The following TSPAN9 variants were observed in gnomAD, a reference collection of about 807,000 sequenced individuals.
TSPAN9 encodes the protein tetraspanin 9.
In TSPAN9, 16 loss-of-function variants were observed where a neutral mutation model predicts 31.0. The observed-to-expected ratio is 0.52, with a 90% CI of 0.35 to 0.78. The LOEUF is 0.78. TSPAN9 is among the 30% of genes least tolerant of loss of function. The pLI is 0.01. For missense variants in TSPAN9, 272 were observed against 312.5 expected (o/e 0.87, Z 0.98); for synonymous variants, 145 against 121.6 (o/e 1.19, Z -1.27).
chr12:3,138,352 C>T (rs902365014), intron 2 of TSPAN9, among the ~76,000 whole-genome samples: 4 of 152,236 alleles, frequency 2.6e-5, no homozygotes, highest in Admixed American at 6.5e-5. Context: ...CACCACCTCC[C>T]GGAGTCGGTT....
chr12:3,258,834 A>G (rs1862398551), intron 3 of TSPAN9, among the ~76,000 whole-genome samples: 1 of 152,162 alleles, frequency 6.6e-6, no homozygotes, highest in Admixed American at 6.5e-5. Context: ...GAATGTATTC[A>G]TGGTCTCAGT....
chr12:3,154,704 G>T (rs2098341391), intron 2 of TSPAN9, among the ~76,000 whole-genome samples: 1 of 152,218 alleles, frequency 6.6e-6, no homozygotes, highest in African/African-American at 2.4e-5. Context: ...TAGTGCTTAA[G>T]TACAAATGGG....
intron 2 of TSPAN9, among the ~76,000 whole-genome samples, chr12:3,175,602 C>T (rs2098355108): frequency 8.3e-6 from 1 of 120,588 alleles, no homozygotes; most frequent in Non-Finnish European, 1.8e-5. Flanking sequence ...CTGCACTTCC[C>T]AGCTTGTCTG....
At chr12:3,089,740 G>A (rs545140141) in intron 2 of TSPAN9, among the ~76,000 whole-genome samples, 1 of 151,772 alleles carries the variant, frequency 6.6e-6, no homozygotes, top group Non-Finnish European at 1.5e-5. Context: ...GCAAGATCCT[G>A]ACTCTACAAA....
At chr12:3,118,699 C>G (rs2098323746) in intron 2 of TSPAN9, among the ~76,000 whole-genome samples, 1 of 152,188 alleles carries the variant, frequency 6.6e-6, no homozygotes, top group African/African-American at 2.4e-5. Context: ...CTCCCTGCAG[C>G]TGTGCCCAGT....
At chr12:3,217,536 G>C (rs949588527) in intron 3 of TSPAN9, among the ~76,000 whole-genome samples, 10 of 152,204 alleles carry the variant, frequency 6.6e-5, no homozygotes, top group Admixed American at 6.5e-4. Flanking sequence ...TGAGGGCCCT[G>C]TTTGGGCTTG....
intron 3 of TSPAN9, among the ~76,000 whole-genome samples, chr12:3,227,274 G>A (rs553696196): frequency 3.3e-5 from 5 of 152,310 alleles, no homozygotes; most frequent in African/African-American, 7.2e-5. Context: ...AGAAGTCATC[G>A]GCTGTACATG....
At chr12:3,282,180 C>T (rs923052478) in intron 8 of TSPAN9, 2 of 602,130 alleles carry the variant, frequency 3.3e-6, no homozygotes, top group Non-Finnish European at 6.0e-6. Context: ...GCACATGGCA[C>T]ACTCTCTGTG....
intron 2 of TSPAN9, among the ~76,000 whole-genome samples, chr12:3,115,124 T>C (rs2098321560): frequency 6.6e-6 from 1 of 151,234 alleles, no homozygotes; most frequent in South Asian, 2.1e-4. Flanking sequence ...AATGTATCTT[T>C]TGTCTCCATG....
intron 2 of TSPAN9, among the ~76,000 whole-genome samples, chr12:3,112,177 C>CTTTTTTTTTTTTTTTTTTTTTTTTTTT (rs138645701): frequency 8.6e-6 from 1 of 115,642 alleles, no homozygotes. Flanking sequence ...TGTAATGTTC[C>CTTTTTTTTTTTTTTTTTTTTTTTTTTT]TTTTTTTTTT....
intron 3 of TSPAN9, among the ~76,000 whole-genome samples, chr12:3,248,264 G>C (rs887432502): frequency 6.6e-6 from 1 of 152,138 alleles, no homozygotes; most frequent in African/African-American, 2.4e-5. Flanking sequence ...CTTTGAAATT[G>C]TCCTGCCTTT....
At chr12:3,123,594 A>G (rs74057561) in intron 2 of TSPAN9, among the ~76,000 whole-genome samples, 3,485 of 150,042 alleles carry the variant, frequency 0.023, 121 homozygotes, top group African/African-American at 0.081. Flanking sequence ...GTGGAGGATT[A>G]AACAATTTTT....
rs963164423 is a variant in TSPAN9 at position 3,202,792 on chromosome 12, C to T, written c.63+1536C>T. On this transcript the variant is annotated intron_variant, in intron 3 of 8. Coordinates refer to ENST00000011898, the MANE Select transcript of TSPAN9 (RefSeq NM_006675.5). Reference sequence around the variant, plus strand: ...CCATGGGTTGGGCCCTCCAGCCACCCTAGTAGGAAGTTACCTGTCATGTGC... The same window carrying T: ...CCATGGGTTGGGCCCTCCAGCCACCTTAGTAGGAAGTTACCTGTCATGTGC... Among the ~76,000 whole-genome samples the T allele has an allele frequency of 5.3e-5, 8 of 152,160 alleles. No homozygotes were observed. In the South Asian group the frequency reaches 1.7e-3, roughly 31 times the overall value.
intron 2 of TSPAN9, among the ~76,000 whole-genome samples, chr12:3,191,802 AG>A (rs1313294977): frequency 6.6e-6 from 1 of 152,208 alleles, no homozygotes; most frequent in Non-Finnish European, 1.5e-5. Context: ...AGAATCAGAT[AG>A]TAACATTGTC....
At chr12:3,211,529 C>T (rs2098378701) in intron 3 of TSPAN9, 1 of 716,392 alleles carries the variant, frequency 1.4e-6, no homozygotes. Context: ...TTCCCCCAAA[C>T]CCTTTTGATA....
chr12:3,275,303 T>A (rs1405539596), intron 3 of TSPAN9, among the ~76,000 whole-genome samples: 1 of 152,132 alleles, frequency 6.6e-6, no homozygotes, highest in African/African-American at 2.4e-5. Flanking sequence ...TTGAGAACTT[T>A]TCCAGGCCCG....
chr12:3,131,501 C>G (rs951644826), intron 2 of TSPAN9, among the ~76,000 whole-genome samples: 1 of 152,188 alleles, frequency 6.6e-6, no homozygotes, highest in African/African-American at 2.4e-5. Context: ...GCAGTCCCAT[C>G]TACCTCCTAG....
intron 2 of TSPAN9, among the ~76,000 whole-genome samples, chr12:3,166,530 A>G (rs1364120914): frequency 2.6e-5 from 4 of 152,262 alleles, no homozygotes; most frequent in Admixed American, 6.5e-5. Context: ...GTCCTTTTAT[A>G]TGAAAGGGCT....
intron 2 of TSPAN9, among the ~76,000 whole-genome samples, chr12:3,113,411 C>G (rs2098320251): frequency 6.6e-6 from 1 of 152,164 alleles, no homozygotes; most frequent in African/African-American, 2.4e-5. Context: ...CTGATCAGGT[C>G]CTGAGGCCAT....
Sources: allele counts gnomAD v4.1 joint callset (sites outside exome capture counted in the v4.1 genomes callset), GRCh38; gene constraint gnomAD v4.1.1; transcripts MANE v1.5; gene names NCBI Gene and HGNC (gene_info 2026-07-23, HGNC 2026-07-21).